The following GADL1 variants were observed in gnomAD, a reference collection of about 807,000 sequenced individuals.
GADL1 encodes GAD like acidic amino acid decarboxylase 1, also known as acidic amino acid decarboxylase GADL1.
A neutral mutation model predicts 69.5 loss-of-function variants in GADL1; 71 were observed. The observed-to-expected ratio is 1.02, with a 90% CI of 0.84 to 1.25. GADL1 has a LOEUF of 1.25. Among genes scored for constraint, GADL1 ranks in the 50% most tolerant of loss-of-function variants. GADL1 has a pLI of 0.00. For missense variants in GADL1, 737 were observed against 631.8 expected (o/e 1.17, Z -1.79); for synonymous variants, 254 against 214.4 (o/e 1.18, Z -1.62).
intron 1 of GADL1, among the ~76,000 whole-genome samples, chr3:30,893,415 C>CT (rs893049795): frequency 1.3e-5 from 2 of 151,900 alleles, no homozygotes; most frequent in African/African-American, 2.4e-5. Context: ...TCTCTTCTAG[C>CT]TTTTTTGAAA....
intron 1 of GADL1, among the ~76,000 whole-genome samples, chr3:30,888,573 C>G (rs1355032922): frequency 6.6e-6 from 1 of 152,050 alleles, no homozygotes; most frequent in South Asian, 2.1e-4. Flanking sequence ...CCATTCCATA[C>G]CTATTATCCC....
chr3:30,781,010 C>T (rs1010923076), intron 13 of GADL1, among the ~76,000 whole-genome samples: 1 of 151,954 alleles, frequency 6.6e-6, no homozygotes, highest in Non-Finnish European at 1.5e-5. Context: ...ATTTGTATAC[C>T]CCTTAATTTT....
chr3:30,792,120 G>T (rs180813825), intron 12 of GADL1, among the ~76,000 whole-genome samples: 1 of 152,282 alleles, frequency 6.6e-6, no homozygotes, highest in Admixed American at 6.5e-5. Context: ...GAGGCAAGAG[G>T]AGATGCAGCT....
At chr3:30,767,265 CT>C (rs1223025510) in intron 14 of GADL1, among the ~76,000 whole-genome samples, 1 of 151,946 alleles carries the variant, frequency 6.6e-6, no homozygotes, top group African/African-American at 2.4e-5. Flanking sequence ...AAAAGATGCC[CT>C]TTTTAACTTA....
chr3:30,814,997 G>A (rs1436858059), intron 11 of GADL1, among the ~76,000 whole-genome samples: 2 of 151,696 alleles, frequency 1.3e-5, no homozygotes, highest in African/African-American at 4.8e-5. Context: ...TTTCATTAAG[G>A]CAAATTTTTA....
chr3:30,773,602 C>A lies in GADL1; in HGVS notation c.1392+4577G>T, dbSNP rs576845191. On this transcript the variant is annotated intron_variant, in intron 14 of 14. Transcript: ENST00000282538. Reference sequence around the variant, plus strand: ...TATACTACAGTGGCTGTTTTAAACCCCTTTTTAATATGAATTATTTTGAAA... The same window carrying A: ...TATACTACAGTGGCTGTTTTAAACCACTTTTTAATATGAATTATTTTGAAA... Among the ~76,000 whole-genome samples, 4 of 152,140 alleles carry A rather than the reference C, an allele frequency of 2.6e-5. No homozygotes were observed. The South Asian group carries it at 6.2e-4, about 24-fold the overall frequency.
chr3:30,807,184 C>T lies in GADL1; in HGVS notation c.1051-6096G>A, dbSNP rs569704619. ...TCTTACCCACCACTCTTCCTCTTCT[C>T]GAACATTCCAGTATCCCCTGACCCC... On this transcript the variant is annotated intron_variant, in intron 11 of 14. Transcript: ENST00000282538. Among the ~76,000 whole-genome samples, 2 of 152,312 alleles carry T rather than the reference C, an allele frequency of 1.3e-5. 1 individual carries two copies.
intron 14 of GADL1, among the ~76,000 whole-genome samples, chr3:30,745,996 CTT>C (rs1289351160): frequency 2.4e-5 from 3 of 123,584 alleles, no homozygotes; most frequent in Non-Finnish European, 3.3e-5. Flanking sequence ...TCTTCTTCTT[CTT>C]TTTTCCTTTT....
intron 14 of GADL1, among the ~76,000 whole-genome samples, chr3:30,756,946 G>C (rs950117361): frequency 4.0e-5 from 6 of 151,854 alleles, no homozygotes; most frequent in Admixed American, 3.3e-4. Context: ...CAGAGTCCAT[G>C]GGGGGGACAT....
At chr3:30,760,340 C>T in intron 14 of GADL1, among the ~76,000 whole-genome samples, 1 of 150,996 alleles carries the variant, frequency 6.6e-6, no homozygotes, top group Non-Finnish European at 1.5e-5. Flanking sequence ...TCAATTTTTG[C>T]TTCTCTTCAT....
At chr3:30,744,935 C>G (rs570043075) in intron 14 of GADL1, among the ~76,000 whole-genome samples, 2 of 152,074 alleles carry the variant, frequency 1.3e-5, no homozygotes, top group African/African-American at 4.8e-5. Flanking sequence ...CGAACAGCGG[C>G]GAACGAAATC....
chr3:30,865,313 A>G (rs1698385990), intron 1 of GADL1, among the ~76,000 whole-genome samples: 2 of 150,496 alleles, frequency 1.3e-5, no homozygotes, highest in African/African-American at 2.4e-5. Context: ...ATATTTTTTA[A>G]TATCTGTCTC....
Position 30,833,874 on chromosome 3 carries a change from A to G in GADL1, c.1029T>C (p.Ala343=). 1 of 1,612,492 alleles carries G rather than the reference A, an allele frequency of 6.2e-7. No individual in the cohort carries two copies. Among genetic ancestry groups the G allele is most frequent in the Non-Finnish European group, 8.5e-7 (1 of 1,178,956 alleles). The part of the protein sequence containing the change: ...KMLMAGIQCC[A]LLVKDKSDLL... ...TTACAGATTTGTCTTTCACAAGGAG[A>G]GCACAGCACTGGATCCCAGCCATCA... The change falls in exon 11 of 15, where the codon GCT becomes GCC. Residue 343 remains alanine (A), a synonymous_variant. Transcript: ENST00000282538.
chr3:30,763,372 C>T (rs1405441926), intron 14 of GADL1, among the ~76,000 whole-genome samples: 5 of 151,256 alleles, frequency 3.3e-5, no homozygotes, highest in East Asian at 2.0e-4. Flanking sequence ...GTATAGTGGC[C>T]GGCGCCTGTA....
intron 11 of GADL1, among the ~76,000 whole-genome samples, chr3:30,805,801 G>C (rs12639187): frequency 1.3e-4 from 18 of 134,236 alleles, no homozygotes; most frequent in African/African-American, 5.2e-4. Flanking sequence ...TTTTTCCACA[G>C]ATGTGGGGTG....
intron 14 of GADL1, among the ~76,000 whole-genome samples, chr3:30,769,227 C>T (rs1696359161): frequency 1.3e-5 from 2 of 152,162 alleles, no homozygotes; most frequent in South Asian, 2.1e-4. Context: ...AGATGAGGAT[C>T]TTATTCAGTG....
chr3:30,846,488 C>T (rs1698060070), intron 6 of GADL1, among the ~76,000 whole-genome samples: 1 of 151,922 alleles, frequency 6.6e-6, no homozygotes, highest in Non-Finnish European at 1.5e-5. Flanking sequence ...TACACTGTGC[C>T]CTGGACACCT....
At chr3:30,886,098 T>C (rs1698705731) in intron 1 of GADL1, among the ~76,000 whole-genome samples, 1 of 152,116 alleles carries the variant, frequency 6.6e-6, no homozygotes, top group South Asian at 2.1e-4. Flanking sequence ...TGCCCCATAA[T>C]GCATCACAAT....
rs995292198 is a variant in GADL1, at chr3:30,777,195, CTT to C, written c.1392+982_1392+983del. On this transcript the variant is annotated intron_variant, in intron 14 of 14. Transcript: ENST00000282538. ...TTTGTTGCTTACCTGAGTAGGGAGT[CTT>C]TTGTTTTTTGTCTTCTAAGGGGAAA... Among the ~76,000 whole-genome samples the C allele has an allele frequency of 7.9e-5, 12 of 151,828 alleles. No individual in the cohort carries two copies. The South Asian group carries it at 1.5e-3, about 19-fold the overall frequency.
Sources: allele counts gnomAD v4.1 joint callset (sites outside exome capture counted in the v4.1 genomes callset), GRCh38; gene constraint gnomAD v4.1.1; transcripts MANE v1.5; gene names NCBI Gene and HGNC (gene_info 2026-07-23, HGNC 2026-07-21).